ZMYM2: variants seen among roughly 807,000 people sequenced by gnomAD.
ZMYM2 encodes the protein zinc finger MYM-type protein 2.
In ZMYM2, 56 loss-of-function variants were observed where a neutral mutation model predicts 162.8. The ratio of observed to expected loss-of-function variants is 0.34; its 90% CI spans 0.28 to 0.43. The LOEUF (loss-of-function observed/expected upper bound fraction) is 0.43. ZMYM2 is among the 20% of genes least tolerant of loss of function. The probability of loss-of-function intolerance (pLI) is 1.00; values close to 1 mark genes in which losing one functional copy is unlikely to be tolerated. For synonymous variants in ZMYM2, 510 were observed against 541.6 expected (o/e 0.94, Z 0.81); for missense variants, 1,275 against 1,621.8 (o/e 0.79, Z 3.67).
At chr13:19,981,211 G>T (rs1957287625) in intron 2 of ZMYM2, among the ~76,000 whole-genome samples, 1 of 152,146 alleles carries the variant, frequency 6.6e-6, no homozygotes, top group Admixed American at 6.5e-5. Flanking sequence ...GTTCAAGGCT[G>T]CAGTGAGCTA....
intron 18 of ZMYM2, among the ~76,000 whole-genome samples, chr13:20,063,815 T>G (rs1956422215): frequency 6.8e-6 from 1 of 146,770 alleles, no homozygotes; most frequent in African/African-American, 2.5e-5. Context: ...ATAATATATA[T>G]AATACATAAA....
At chr13:20,065,525 A>T (rs1178081491) in intron 19 of ZMYM2, among the ~76,000 whole-genome samples, 1 of 152,196 alleles carries the variant, frequency 6.6e-6, no homozygotes, top group African/African-American at 2.4e-5. Flanking sequence ...GGGGCCAGGC[A>T]CAGTGGCACC....
upstream of ZMYM2, among the ~76,000 whole-genome samples, chr13:19,955,465 T>C (rs1954484156): frequency 6.6e-6 from 1 of 152,164 alleles, no homozygotes; most frequent in Non-Finnish European, 1.5e-5. Context: ...TTGCTAGTTG[T>C]GGGTAATGCC....
chr13:19,975,347 C>G (rs376269632), intron 2 of ZMYM2, among the ~76,000 whole-genome samples: 28 of 152,182 alleles, frequency 1.8e-4, no homozygotes, highest in African/African-American at 6.3e-4. Context: ...CATTCCTTGT[C>G]TCCCCTTCCT....
chr13:20,053,820 C>A (rs1182833222), intron 14 of ZMYM2, among the ~76,000 whole-genome samples: 1 of 152,004 alleles, frequency 6.6e-6, no homozygotes, highest in African/African-American at 2.4e-5. Flanking sequence ...TTTTTCCATA[C>A]CCCCCCTTAT....
At chr13:19,880,373 CCTT>C in the ZMYM2 span, among the ~76,000 whole-genome samples, 10 of 152,242 alleles carry the variant, frequency 6.6e-5, no homozygotes, top group East Asian at 1.7e-3. Context: ...AAATATTCCA[CCTT>C]CTTCGTTAAT....
chr13:20,079,410 A>G (rs1443391528), intron 21 of ZMYM2, among the ~76,000 whole-genome samples: 2 of 144,606 alleles, frequency 1.4e-5, no homozygotes, highest in Middle Eastern at 3.5e-3. Context: ...TAAGAAATCT[A>G]CTCTTCAGAC....
At chr13:19,870,879 G>A in the ZMYM2 span, among the ~76,000 whole-genome samples, 2 of 151,924 alleles carry the variant, frequency 1.3e-5, no homozygotes, top group East Asian at 1.9e-4. Context: ...CACCCACTTC[G>A]GCCTCCCAAA....
chr13:20,068,150 G>A (rs1956818672), intron 21 of ZMYM2: 1 of 180,566 alleles, frequency 5.5e-6, no homozygotes, highest in Admixed American at 6.3e-5. Flanking sequence ...ATAAATCACT[G>A]TATTCAAGGA....
the ZMYM2 span, among the ~76,000 whole-genome samples, chr13:19,867,421 A>G: frequency 2.6e-5 from 4 of 152,260 alleles, no homozygotes; most frequent in African/African-American, 9.6e-5. Flanking sequence ...TAGGGATATT[A>G]GAAACATAGA....
chr13:19,926,370 T>A, the ZMYM2 span, among the ~76,000 whole-genome samples: 33 of 148,998 alleles, frequency 2.2e-4, no homozygotes, highest in Middle Eastern at 3.5e-3. Flanking sequence ...ATTTTTTTTT[T>A]TTTTTTTTTT....
chr13:20,006,844 G>A (rs1950782019), intron 6 of ZMYM2, among the ~76,000 whole-genome samples: 1 of 152,138 alleles, frequency 6.6e-6, no homozygotes, highest in Non-Finnish European at 1.5e-5. Context: ...AGTTAAGTCT[G>A]GGTAAACCCG....
the ZMYM2 span, among the ~76,000 whole-genome samples, chr13:19,872,489 G>A: frequency 6.6e-6 from 1 of 151,978 alleles, no homozygotes; most frequent in Non-Finnish European, 1.5e-5. Flanking sequence ...GGTGGAGGTT[G>A]CAGTGAGCCA....
chr13:19,955,794 C>T (rs1954498846), upstream of ZMYM2, among the ~76,000 whole-genome samples: 1 of 152,082 alleles, frequency 6.6e-6, no homozygotes, highest in African/African-American at 2.4e-5. Context: ...GCCACAACAA[C>T]TGTTTATTAC....
the ZMYM2 span, among the ~76,000 whole-genome samples, chr13:19,888,348 G>A: frequency 2.0e-5 from 3 of 151,434 alleles, no homozygotes; most frequent in Non-Finnish European, 4.4e-5. Flanking sequence ...CCACCATGGC[G>A]GGCTAATTTT....
chr13:19,976,999 C>G (rs1337700833), intron 2 of ZMYM2, among the ~76,000 whole-genome samples: 2 of 152,128 alleles, frequency 1.3e-5, no homozygotes, highest in East Asian at 1.9e-4. Flanking sequence ...TATCTTCTTG[C>G]TAGAACGAAC....
intron 2 of ZMYM2, among the ~76,000 whole-genome samples, chr13:19,968,068 ACTGT>A (rs1433038665): frequency 6.6e-6 from 1 of 152,192 alleles, no homozygotes; most frequent in Non-Finnish European, 1.5e-5. Context: ...AAAGAAATCC[ACTGT>A]CTGATCTGCA....
At chr13:19,942,448 A>C in the ZMYM2 span, among the ~76,000 whole-genome samples, 1 of 151,878 alleles carries the variant, frequency 6.6e-6, no homozygotes, top group Non-Finnish European at 1.5e-5. Context: ...GTAAGTGCCA[A>C]GTCAATAACA....
intron 2 of ZMYM2, among the ~76,000 whole-genome samples, chr13:19,981,565 TG>T (rs1957329513): frequency 6.6e-6 from 1 of 152,222 alleles, no homozygotes; most frequent in Non-Finnish European, 1.5e-5. Context: ...TTTCAGTAGG[TG>T]GGAAATGGTA....
Sources: gnomAD v4.1 joint callset for allele counts (sites outside exome capture counted in the v4.1 genomes callset) on GRCh38, gnomAD v4.1.1 for gene constraint, MANE v1.5 for transcripts, NCBI Gene and HGNC (gene_info 2026-07-23, HGNC 2026-07-21) for gene names.